TAFA4: variants seen among roughly 807,000 people sequenced by gnomAD.
The protein encoded by TAFA4 is chemokine-like protein TAFA-4.
Under a neutral mutation model 21.1 loss-of-function variants are expected in TAFA4, and 20 were observed. The observed-to-expected ratio is 0.95, with a 90% CI of 0.67 to 1.38. TAFA4 has a LOEUF of 1.38. Ranked by LOEUF, TAFA4 falls within the 40% of genes most tolerant of loss-of-function variation. The pLI is 0.00. For synonymous variants in TAFA4, 71 were observed against 67.4 expected (o/e 1.05, Z -0.26); for missense variants, 211 against 180.9 (o/e 1.17, Z -0.95).
intron 3 of TAFA4, among the ~76,000 whole-genome samples, chr3:68,790,803 C>T (rs1014262120): frequency 6.6e-6 from 1 of 152,182 alleles, no homozygotes; most frequent in Non-Finnish European, 1.5e-5. Context: ...CCACCCTTAG[C>T]ACTAATGAAG....
At chr3:68,784,664 A>T (rs190755558) in intron 3 of TAFA4, among the ~76,000 whole-genome samples, 1 of 152,222 alleles carries the variant, frequency 6.6e-6, no homozygotes, top group Non-Finnish European at 1.5e-5. Context: ...AAAGAGCAAA[A>T]GAACAAAGTT....
At chr3:68,790,010 T>C (rs1014267192) in intron 3 of TAFA4, among the ~76,000 whole-genome samples, 1 of 152,212 alleles carries the variant, frequency 6.6e-6, no homozygotes. Flanking sequence ...ACAAAAATTG[T>C]TAATATCTGG....
intron 3 of TAFA4, among the ~76,000 whole-genome samples, chr3:68,754,110 G>A (rs1010140701): frequency 5.3e-5 from 8 of 152,134 alleles, no homozygotes; most frequent in Non-Finnish European, 1.2e-4. Context: ...GTAAATTTCA[G>A]ACATGATGCC....
chr3:68,901,192 A>C (rs1003050085), intron 1 of TAFA4, among the ~76,000 whole-genome samples: 33 of 152,102 alleles, frequency 2.2e-4, no homozygotes, highest in African/African-American at 7.0e-4. Context: ...ACAAAACAGA[A>C]ATAAGACTAG....
chr3:68,916,789 T>C (rs1224147958), intron 1 of TAFA4, among the ~76,000 whole-genome samples: 1 of 152,142 alleles, frequency 6.6e-6, no homozygotes, highest in Non-Finnish European at 1.5e-5. Flanking sequence ...TAGCCCAAAA[T>C]AGCTGTTGGA....
At chr3:68,779,611 C>T (rs1224804087) in intron 3 of TAFA4, among the ~76,000 whole-genome samples, 4 of 152,196 alleles carry the variant, frequency 2.6e-5, no homozygotes, top group Admixed American at 6.5e-5. Context: ...TGAAGCCCCA[C>T]GACTTGGCAG....
At chr3:68,843,036 A>T (rs1160179265) in intron 3 of TAFA4, among the ~76,000 whole-genome samples, 1 of 152,218 alleles carries the variant, frequency 6.6e-6, no homozygotes, top group East Asian at 1.9e-4. Flanking sequence ...TCAGTTCCAT[A>T]TAAAATTTCA....
intron 1 of TAFA4, among the ~76,000 whole-genome samples, chr3:68,925,830 C>T (rs758939419): frequency 1.2e-4 from 18 of 152,150 alleles, no homozygotes; most frequent in Non-Finnish European, 1.5e-4. Flanking sequence ...CAAGGAATGT[C>T]GGCCTCCTTC....
chr3:68,772,482 C>T (rs1271496886), intron 3 of TAFA4, among the ~76,000 whole-genome samples: 1 of 152,146 alleles, frequency 6.6e-6, no homozygotes, highest in Non-Finnish European at 1.5e-5. Context: ...CTCTCCCTCA[C>T]TCTCCTGGAT....
chr3:68,783,623 T>G (rs1485709762), intron 3 of TAFA4, among the ~76,000 whole-genome samples: 1 of 147,928 alleles, frequency 6.8e-6, no homozygotes, highest in Admixed American at 6.8e-5. Flanking sequence ...TCCAGATGGC[T>G]CCAGAGTTTG....
At chr3:68,819,113 A>G (rs1704053329) in intron 3 of TAFA4, among the ~76,000 whole-genome samples, 1 of 152,118 alleles carries the variant, frequency 6.6e-6, no homozygotes, top group Admixed American at 6.5e-5. Flanking sequence ...TCTCTACAAA[A>G]ACTGCAAAAA....
At chr3:68,783,572 C>T (rs1439568355) in intron 3 of TAFA4, among the ~76,000 whole-genome samples, 3 of 151,864 alleles carry the variant, frequency 2.0e-5, no homozygotes, top group Admixed American at 6.6e-5. Flanking sequence ...AAAATGATGG[C>T]TCTATCTGTT....
intron 4 of TAFA4, among the ~76,000 whole-genome samples, chr3:68,747,679 G>A (rs1280715634): frequency 6.6e-6 from 1 of 152,138 alleles, no homozygotes; most frequent in Non-Finnish European, 1.5e-5. Flanking sequence ...CTGATTGTGA[G>A]CTCACCATGA....
At chr3:68,755,611 G>C (rs1355645892) in intron 3 of TAFA4, among the ~76,000 whole-genome samples, 1 of 152,174 alleles carries the variant, frequency 6.6e-6, no homozygotes, top group African/African-American at 2.4e-5. Flanking sequence ...ATGACCAAAA[G>C]CATGCAGCAG....
chr3:68,918,305 A>T (rs2090025012), intron 1 of TAFA4, among the ~76,000 whole-genome samples: 1 of 152,122 alleles, frequency 6.6e-6, no homozygotes, highest in South Asian at 2.1e-4. Flanking sequence ...TGGAGAAAAA[A>T]TCAGCGCACT....
intron 1 of TAFA4, among the ~76,000 whole-genome samples, chr3:68,912,091 C>T (rs1478039140): frequency 1.3e-5 from 2 of 152,140 alleles, no homozygotes; most frequent in South Asian, 2.1e-4. Context: ...GACACCACCC[C>T]GCAACTCACT....
Position 68,875,107 on chromosome 3 carries a change from G to C in TAFA4, c.130+5623C>G, listed in dbSNP as rs575452127. 2.0e-5 allele frequency among the ~76,000 whole-genome samples: 3 copies of C among 152,250 alleles called. No homozygotes were observed. The South Asian group carries it at 6.2e-4, about 32-fold the overall frequency. On this transcript the variant is annotated intron_variant, in intron 3 of 5. Coordinates refer to ENST00000295569, the MANE Select transcript of TAFA4 (RefSeq NM_182522.5). ...ACAGTCCTTCCCAAGAGGTGGAAATGGAGGTCACCTTGACAGGGTGACAAC... is the reference window on the plus strand; with the variant it reads ...ACAGTCCTTCCCAAGAGGTGGAAATCGAGGTCACCTTGACAGGGTGACAAC...
intron 1 of TAFA4, among the ~76,000 whole-genome samples, chr3:68,922,502 C>T (rs1361554527): frequency 6.6e-6 from 1 of 152,172 alleles, no homozygotes; most frequent in Non-Finnish European, 1.5e-5. Flanking sequence ...ACCCTATATT[C>T]ATCTCCCTTC....
At chr3:68,894,562 T>C (rs1165541904) in intron 1 of TAFA4, among the ~76,000 whole-genome samples, 1 of 152,214 alleles carries the variant, frequency 6.6e-6, no homozygotes. Flanking sequence ...AGCGCTGGCA[T>C]TATACTGGGA....
Sources: gnomAD v4.1 joint callset for allele counts (sites outside exome capture counted in the v4.1 genomes callset) on GRCh38, gnomAD v4.1.1 for gene constraint, MANE v1.5 for transcripts, NCBI Gene and HGNC (gene_info 2026-07-23, HGNC 2026-07-21) for gene names.